GRIN2B: variants seen among roughly 807,000 people sequenced by gnomAD.
The protein encoded by GRIN2B is glutamate receptor ionotropic, NMDA 2B.
A neutral mutation model predicts 114.5 loss-of-function variants in GRIN2B; 5 were observed. That is an observed-to-expected ratio of 0.04 (90% confidence interval 0.02 to 0.09). GRIN2B has a LOEUF of 0.09. Ranked by LOEUF, GRIN2B falls within the 10% of genes least tolerant of loss-of-function variation. The probability of loss-of-function intolerance (pLI) is 1.00; values close to 1 mark genes in which losing one functional copy is unlikely to be tolerated. For missense variants in GRIN2B, 1,108 were observed against 1,943.5 expected, an observed-to-expected ratio of 0.57 and a Z score of 8.08; for synonymous variants, 787 against 745.1, an observed-to-expected ratio of 1.06 and a Z score of -0.92.
chr12:13,814,765 A>G (rs1334017888), intron 3 of GRIN2B, among the ~76,000 whole-genome samples: 2 of 152,210 alleles, frequency 1.3e-5, no homozygotes, highest in African/African-American at 4.8e-5. Flanking sequence ...TACTACTGAG[A>G]ATTTAATTTT....
chr12:13,762,004 G>A (rs1173890576), intron 3 of GRIN2B, among the ~76,000 whole-genome samples: 1 of 152,028 alleles, frequency 6.6e-6, no homozygotes. Flanking sequence ...AAGGGAAGAT[G>A]AATCTTTTTC....
At chr12:13,649,699 T>A (rs1430084578) in intron 5 of GRIN2B, among the ~76,000 whole-genome samples, 1 of 152,074 alleles carries the variant, frequency 6.6e-6, no homozygotes, top group Non-Finnish European at 1.5e-5. Flanking sequence ...CCAGACTGTT[T>A]GGGAAAATGT....
chr12:13,803,752 G>T (rs1055273432), intron 3 of GRIN2B, among the ~76,000 whole-genome samples: 1 of 152,070 alleles, frequency 6.6e-6, no homozygotes, highest in Non-Finnish European at 1.5e-5. Flanking sequence ...ATGGTGAGAT[G>T]GGAAGGTGAT....
intron 5 of GRIN2B, among the ~76,000 whole-genome samples, chr12:13,621,498 A>C (rs141728903): frequency 5.9e-5 from 9 of 151,612 alleles, no homozygotes; most frequent in South Asian, 2.1e-4. Context: ...CCATAAGCAC[A>C]TTTCACAACA....
At chr12:13,868,044 T>C (rs1481632350) in intron 2 of GRIN2B, among the ~76,000 whole-genome samples, 1 of 152,166 alleles carries the variant, frequency 6.6e-6, no homozygotes, top group Non-Finnish European at 1.5e-5. Flanking sequence ...GGGAGCAAGA[T>C]GCTGGGGACA....
chr12:13,670,977 T>C (rs1364423431), intron 5 of GRIN2B, among the ~76,000 whole-genome samples: 1 of 152,156 alleles, frequency 6.6e-6, no homozygotes, highest in African/African-American at 2.4e-5. Flanking sequence ...ATGTATCAAA[T>C]CTGTAAATGT....
intron 2 of GRIN2B, among the ~76,000 whole-genome samples, chr12:13,868,683 C>G (rs1591594316): frequency 6.6e-6 from 1 of 152,180 alleles, no homozygotes; most frequent in African/African-American, 2.4e-5. Flanking sequence ...GTTTTATTTG[C>G]TCTCTCTAAA....
intron 2 of GRIN2B, among the ~76,000 whole-genome samples, chr12:13,896,675 A>G (rs1414386820): frequency 2.0e-5 from 3 of 152,232 alleles, no homozygotes; most frequent in Non-Finnish European, 2.9e-5. Context: ...CTTGAAAAAG[A>G]AAAGCTCAGA....
intron 3 of GRIN2B, among the ~76,000 whole-genome samples, chr12:13,806,331 A>G (rs952130272): frequency 1.2e-4 from 18 of 152,132 alleles, no homozygotes; most frequent in Admixed American, 1.2e-3. Context: ...AATAATTTAC[A>G]TTCTCACCCA....
At chr12:13,638,102 G>C (rs548101264) in intron 5 of GRIN2B, among the ~76,000 whole-genome samples, 1 of 152,088 alleles carries the variant, frequency 6.6e-6, no homozygotes, top group South Asian at 2.1e-4. Context: ...TGTACTCCTT[G>C]ACCTGAGCCA....
intron 3 of GRIN2B, among the ~76,000 whole-genome samples, chr12:13,786,096 G>A (rs1434845330): frequency 6.6e-6 from 1 of 152,050 alleles, no homozygotes; most frequent in African/African-American, 2.4e-5. Context: ...ATTGCTGACT[G>A]GTCTCTCCAG....
intron 4 of GRIN2B, among the ~76,000 whole-genome samples, chr12:13,676,283 C>T (rs1950073240): frequency 6.6e-6 from 1 of 152,006 alleles, no homozygotes; most frequent in Admixed American, 6.6e-5. Context: ...CAGCAAATCA[C>T]CATGTCACAA....
chr12:13,638,540 C>CA (rs1386479855), intron 5 of GRIN2B, among the ~76,000 whole-genome samples: 1 of 152,082 alleles, frequency 6.6e-6, no homozygotes, highest in Non-Finnish European at 1.5e-5. Flanking sequence ...CAAAGACAGG[C>CA]AAGAGCTGGG....
intron 2 of GRIN2B, among the ~76,000 whole-genome samples, chr12:13,940,881 A>G (rs1187936971): frequency 2.0e-5 from 3 of 151,844 alleles, no homozygotes; most frequent in Non-Finnish European, 4.4e-5. Flanking sequence ...CATGCTCTCC[A>G]CACACCTTCC....
At chr12:13,700,093 T>C in intron 4 of GRIN2B, among the ~76,000 whole-genome samples, 1 of 152,074 alleles carries the variant, frequency 6.6e-6, no homozygotes, top group East Asian at 1.9e-4. Flanking sequence ...AGGGCAGTAA[T>C]ACGCTGTCTG....
rs377135993 is a variant in GRIN2B, at chr12:13,571,787, T to G, written c.2171+17A>C. The G allele has an allele frequency of 6.2e-7, 1 of 1,613,664 alleles. No homozygotes were observed. The highest frequency in any genetic ancestry group is 1.3e-5 in the African/African-American group (1 of 75,044). The stretch of plus-strand genomic sequence containing the variant: ...GAGAAACAGATCAAGGACTCTGAGC[T>G]TGGAAGCAGTTCTTACCCTGTTTTC... On this transcript the variant is annotated intron_variant, in intron 11 of 13. Transcript: ENST00000609686.
At position 13,547,493 on chromosome 12, in the gene GRIN2B, A is replaced by G. The variant is rs1046940347; in HGVS notation, c.*15290T>C. 6 of 152,162 alleles carry G rather than the reference A, an allele frequency of 3.9e-5. No individual in the cohort carries two copies. The highest frequency in any genetic ancestry group is 7.2e-5 in the African/African-American group (3 of 41,438). The allele number at this position is 152,162 out of a possible 1,614,324, so 9.4% of individuals were successfully genotyped here. A position where few individuals can be genotyped will look rare whatever the true frequency, so the allele number is the denominator to read the frequency against. On this transcript the variant is annotated 3_prime_UTR_variant, in exon 14 of 14. Transcript: ENST00000609686. ...AATCTGCTGATTCTACTCTTTTTTC[A>G]TGAATTTCTGTATGATATTTAGCAA...
At chr12:13,939,466 C>A (rs753927037) in intron 2 of GRIN2B, among the ~76,000 whole-genome samples, 7 of 151,348 alleles carry the variant, frequency 4.6e-5, no homozygotes, top group Non-Finnish European at 1.0e-4. Context: ...ACATAACACG[C>A]CTGTTTCCCC....
Position 13,545,555 on chromosome 12 carries a change from A to C in GRIN2B, c.*17228T>G, listed in dbSNP as rs949158162. 6.6e-6 allele frequency: 1 copy of C among 152,188 alleles called. No individual in the cohort carries two copies. The highest frequency in any genetic ancestry group is 1.5e-5 in the Non-Finnish European group (1 of 68,032). 9.4% of individuals were successfully genotyped at this position (152,188 alleles called of 1,614,324 possible). A position where few individuals can be genotyped will look rare whatever the true frequency, so the allele number is the denominator to read the frequency against. On this transcript the variant is annotated 3_prime_UTR_variant, in exon 14 of 14. Coordinates refer to ENST00000609686, the MANE Select transcript of GRIN2B (RefSeq NM_000834.5). ...AGTAAACAAAACAATGCAAGCAAGG[A>C]AACAACTCCTCCCCCAAAACCTGGA... is the stretch of plus-strand genomic sequence containing the variant.
Sources: allele counts gnomAD v4.1 joint callset (sites outside exome capture counted in the v4.1 genomes callset), GRCh38; gene constraint gnomAD v4.1.1; transcripts MANE v1.5; gene names NCBI Gene and HGNC (gene_info 2026-07-23, HGNC 2026-07-21).